RASSF3: variants seen among roughly 807,000 people sequenced by gnomAD.
RASSF3 encodes Ras association domain family member 3.
RASSF3 carries 19 observed loss-of-function variants against 19.9 expected under a neutral mutation model. That is an observed-to-expected ratio of 0.96 (90% CI 0.67 to 1.40). The LOEUF (loss-of-function observed/expected upper bound fraction) is 1.40. RASSF3 is among the 40% of genes most tolerant of loss of function. The pLI, the probability that RASSF3 is intolerant of heterozygous loss-of-function variation, is 0.00. For synonymous variants in RASSF3, 110 were observed against 104.2 expected (o/e 1.06, Z -0.34); for missense variants, 306 against 289.8 (o/e 1.06, Z -0.41).
At chr12:64,536,366 G>A (rs149129860) in intron 1 of RASSF3, among the ~76,000 whole-genome samples, 1 of 152,244 alleles carries the variant, frequency 6.6e-6, no homozygotes, top group Non-Finnish European at 1.5e-5. Context: ...GTCTGCTGTA[G>A]GCTGATATTG....
intron 2 of RASSF3, among the ~76,000 whole-genome samples, chr12:64,604,331 G>T (rs1870147801): frequency 6.6e-6 from 1 of 151,954 alleles, no homozygotes. Context: ...TCGTGATGTT[G>T]TCCAGGCTGG....
rs540601809 is a variant in RASSF3, at chr12:64,596,590, T to G, written c.294+54885T>G. On this transcript the variant is annotated intron_variant, in intron 2 of 5. Transcript: ENST00000637125. ...TTTCACAAACTATGGTCAGAGCTTG[T>G]TTGTCTGATCCTTCCCAGTTGGTGT... 2.6e-5 allele frequency among the ~76,000 whole-genome samples: 4 copies of G among 152,228 alleles called. No individual in the cohort carries two copies. In the South Asian group the frequency reaches 8.3e-4, roughly 32 times the overall value.
chr12:64,633,123 G>T (rs773808531), intron 1 of RASSF3, among the ~76,000 whole-genome samples: 5 of 152,010 alleles, frequency 3.3e-5, no homozygotes, highest in Non-Finnish European at 7.4e-5. Flanking sequence ...TATTCCTTTT[G>T]ATAAGAGACT....
At chr12:64,610,234 G>C (rs1050090653), upstream of RASSF3, among the ~76,000 whole-genome samples, 26 of 152,042 alleles carry the variant, frequency 1.7e-4, no homozygotes, top group Non-Finnish European at 2.8e-4. Flanking sequence ...GAAGCGACCC[G>C]AGCACAGCCC....
At chr12:64,550,564 G>A (rs1414876665) in intron 2 of RASSF3, among the ~76,000 whole-genome samples, 4 of 151,960 alleles carry the variant, frequency 2.6e-5, no homozygotes, top group Admixed American at 6.6e-5. Flanking sequence ...GCTGACGTAG[G>A]AGATTCGCTT....
chr12:64,602,371 G>A lies in RASSF3; in HGVS notation c.294+60666G>A, dbSNP rs555877055. On this transcript the variant is annotated intron_variant, in intron 2 of 5. Coordinates refer to the RASSF3 transcript ENST00000637125. The stretch of plus-strand genomic sequence containing the variant: ...TGAGGCGGGTGAATCATGAGGTCAG[G>A]AGATCGAGACCATCCTGGCCAACAT... Among the ~76,000 whole-genome samples, 159 of 151,696 alleles carry A rather than the reference G, an allele frequency of 1.0e-3. 1 individual carries two copies. The highest frequency in any genetic ancestry group is 3.6e-3 in the African/African-American group (148 of 41,368).
chr12:64,606,630 C>T (rs909733902), upstream of RASSF3, among the ~76,000 whole-genome samples: 2 of 152,160 alleles, frequency 1.3e-5, no homozygotes. Context: ...GCCTGGCCAA[C>T]ATGGTGAAAC....
chr12:64,542,101 G>A (rs1868943480), downstream of RASSF3, among the ~76,000 whole-genome samples: 2 of 151,888 alleles, frequency 1.3e-5, no homozygotes, highest in South Asian at 2.1e-4. Context: ...GTGAGTCTGA[G>A]ACCAACCTGG....
intron 4 of RASSF3, among the ~76,000 whole-genome samples, chr12:64,692,677 C>G (rs1450456543): frequency 2.0e-5 from 3 of 152,100 alleles, no homozygotes; most frequent in Non-Finnish European, 4.4e-5. Flanking sequence ...TTTTCTTGTA[C>G]TTAGTGTTTT....
At chr12:64,658,930 T>C (rs1272547) in intron 1 of RASSF3, among the ~76,000 whole-genome samples, 47,274 of 152,038 alleles carry the variant, frequency 0.31, 7,555 homozygotes, top group Non-Finnish European at 0.36. Flanking sequence ...ATTAGCCAGG[T>C]GTGGTGATGT....
intron 2 of RASSF3, among the ~76,000 whole-genome samples, chr12:64,561,331 TTTAAAA>T (rs1240521129): frequency 6.6e-6 from 1 of 152,224 alleles, no homozygotes; most frequent in African/African-American, 2.4e-5. Flanking sequence ...GAAGAGAAAC[TTTAAAA>T]TTTAAAATAA....
intron 3 of RASSF3, among the ~76,000 whole-genome samples, chr12:64,690,759 C>T (rs1305096886): frequency 6.6e-6 from 1 of 151,794 alleles, no homozygotes; most frequent in Non-Finnish European, 1.5e-5. Flanking sequence ...GTTGGGATTA[C>T]AGGTGCGAGC....
At chr12:64,543,750 C>T (rs11175437), downstream of RASSF3, among the ~76,000 whole-genome samples, 49,687 of 150,698 alleles carry the variant, frequency 0.33, 10,125 homozygotes, top group East Asian at 0.66. Flanking sequence ...ACCTTTATGT[C>T]TAGCTAAGGG....
chr12:64,561,287 G>T (rs1869343162), intron 2 of RASSF3, among the ~76,000 whole-genome samples: 1 of 152,160 alleles, frequency 6.6e-6, no homozygotes, highest in South Asian at 2.1e-4. Flanking sequence ...CCTCAGAGAT[G>T]ATTTCACGTG....
intron 1 of RASSF3, among the ~76,000 whole-genome samples, chr12:64,678,192 T>C (rs978912445): frequency 6.6e-6 from 1 of 152,228 alleles, no homozygotes; most frequent in Admixed American, 6.5e-5. Context: ...AATGTGATGT[T>C]TTACATGTGA....
intron 2 of RASSF3, among the ~76,000 whole-genome samples, chr12:64,579,346 C>CTTT (rs1265939630): frequency 0.023 from 2,734 of 117,012 alleles, 212 homozygotes; most frequent in African/African-American, 0.084. Context: ...TAGCCAAGTT[C>CTTT]TTTTTTTTTT....
downstream of RASSF3, among the ~76,000 whole-genome samples, chr12:64,544,054 G>A (rs1465302366): frequency 6.6e-6 from 1 of 152,134 alleles, no homozygotes; most frequent in East Asian, 1.9e-4. Flanking sequence ...AAAGCAGGCT[G>A]CCAGAGCACG....
At chr12:64,523,784 T>C (rs1179216940) in intron 1 of RASSF3, among the ~76,000 whole-genome samples, 1 of 150,606 alleles carries the variant, frequency 6.6e-6, no homozygotes, top group Admixed American at 6.6e-5. Context: ...CACAGTGCCT[T>C]GCGGCCTCAC....
At chr12:64,546,491 C>T (rs1387188715), downstream of RASSF3, among the ~76,000 whole-genome samples, 2 of 152,128 alleles carry the variant, frequency 1.3e-5, no homozygotes, top group Non-Finnish European at 2.9e-5. Flanking sequence ...AGGATGGTCT[C>T]GATCTCCTGA....
Sources: allele counts gnomAD v4.1 joint callset (sites outside exome capture counted in the v4.1 genomes callset), GRCh38; gene constraint gnomAD v4.1.1; transcripts MANE v1.5; gene names NCBI Gene and HGNC (gene_info 2026-07-23, HGNC 2026-07-21).